Variants in TTLL5 observed in about 807,000 individuals in gnomAD.
TTLL5 encodes the protein tubulin polyglutamylase TTLL5.
TTLL5 carries 132 observed loss-of-function variants against 168.4 expected under a neutral mutation model. That is an observed-to-expected ratio of 0.78 (90% confidence interval 0.68 to 0.91). The LOEUF (loss-of-function observed/expected upper bound fraction) is 0.91. Among genes scored for constraint, TTLL5 ranks in the 40% least tolerant of loss-of-function variants. The pLI, the probability that TTLL5 is intolerant of heterozygous loss-of-function variation, is 0.00. For synonymous variants in TTLL5, 546 were observed against 558.6 expected, an observed-to-expected ratio of 0.98 and a Z score of 0.32; for missense variants, 1,545 against 1,581.5, an observed-to-expected ratio of 0.98 and a Z score of 0.39.
intron 27 of TTLL5, among the ~76,000 whole-genome samples, chr14:75,812,048 C>G (rs1490982658): frequency 6.6e-6 from 1 of 152,146 alleles, no homozygotes; most frequent in African/African-American, 2.4e-5. Flanking sequence ...TGTCCCTACC[C>G]CACACATTCA....
rs11349214 is a variant in TTLL5, at chr14:75,677,390, C to CTTT, written c.182-4134_182-4132dup. ...AGAGATTCTCTTTCTCTCTCTCTCT[C>CTTT]TTTTTTTTTTTTTTTTTTTTTTTGA... On this transcript the variant is annotated intron_variant, in intron 3 of 31. Coordinates refer to ENST00000298832, the MANE Select transcript of TTLL5 (RefSeq NM_015072.5). Among the ~76,000 whole-genome samples the CTTT allele has an allele frequency of 2.3e-3, 178 of 78,338 alleles. 3 individuals are homozygous for CTTT. The highest frequency in any genetic ancestry group is 5.3e-3 in the African/African-American group (118 of 22,276). The allele number at this position is 78,338 out of a possible 152,430, so 51.4% of individuals were successfully genotyped here. A position where few individuals can be genotyped will look rare whatever the true frequency, so the allele number is the denominator to read the frequency against.
At chr14:75,888,519 C>T (rs940969823) in intron 30 of TTLL5, among the ~76,000 whole-genome samples, 1 of 152,196 alleles carries the variant, frequency 6.6e-6, no homozygotes, top group Non-Finnish European at 1.5e-5. Context: ...AATCCATCCA[C>T]ATCAGTTTCT....
chr14:75,730,061 TCTTA>T (rs1385639731), intron 12 of TTLL5, among the ~76,000 whole-genome samples: 1 of 152,244 alleles, frequency 6.6e-6, no homozygotes, highest in African/African-American at 2.4e-5. Context: ...ACCCTGTTCT[TCTTA>T]CTTTTAATAA....
Position 75,764,646 on chromosome 14 carries a change from A to G in TTLL5, c.1582A>G (p.Ile528Val), listed in dbSNP as rs1306883922. The G allele has an allele frequency of 2.5e-6, 4 of 1,614,032 alleles. No individual in the cohort carries two copies. The African/African-American group carries it at 5.3e-5, about 22-fold the overall frequency. Residue 528 changes from isoleucine (I) to valine (V), a missense_variant, in exon 19 of 32, where the codon ATA becomes GTA. Coordinates refer to ENST00000298832, the MANE Select transcript of TTLL5 (RefSeq NM_015072.5). The part of the protein sequence containing the change: ...MTADGAPELK[I>V]ESLNSKAKLH... ...TGCTGATGGAGCGCCAGAATTGAAG[A>G]TAGAGAGTCTGAATTCAAAGGCCAA...
chr14:75,868,636 T>C (rs2030736357), intron 29 of TTLL5, among the ~76,000 whole-genome samples: 2 of 152,218 alleles, frequency 1.3e-5, no homozygotes, highest in South Asian at 4.1e-4. Context: ...ACAAGCTTTT[T>C]GCTAATGCTG....
intron 20 of TTLL5, among the ~76,000 whole-genome samples, chr14:75,768,719 C>T (rs982639691): frequency 1.3e-5 from 2 of 152,044 alleles, no homozygotes; most frequent in Admixed American, 6.6e-5. Flanking sequence ...GAAGTTTAGC[C>T]GTTTATGCAT....
At chr14:75,699,961 T>G (rs866987923) in intron 7 of TTLL5, among the ~76,000 whole-genome samples, 1 of 152,220 alleles carries the variant, frequency 6.6e-6, no homozygotes, top group Non-Finnish European at 1.5e-5. Context: ...AATTCCCAGT[T>G]TGGCATTTAT....
At position 75,697,938 on chromosome 14, in the gene TTLL5, A is replaced by G. The variant is rs368811551; in HGVS notation, c.503-1250A>G. Among the ~76,000 whole-genome samples the G allele has an allele frequency of 4.6e-4, 70 of 152,248 alleles. 1 individual carries two copies. The South Asian group carries it at 0.014, about 30-fold the overall frequency. ...GTGAGATCTGCTCAGAAACATTTGC[A>G]TTTGCTTGATTTATTTCCCCACACT... On this transcript the variant is annotated intron_variant, in intron 6 of 31. Coordinates refer to ENST00000298832, the MANE Select transcript of TTLL5 (RefSeq NM_015072.5).
chr14:75,678,686 T>A (rs1282870087), intron 3 of TTLL5, among the ~76,000 whole-genome samples: 1 of 103,364 alleles, frequency 9.7e-6, no homozygotes, highest in Non-Finnish European at 2.6e-5. Context: ...ATGTTTAGAT[T>A]CAGATTTTTA....
chr14:75,719,343 C>T (rs191144472), intron 10 of TTLL5, among the ~76,000 whole-genome samples: 1 of 152,318 alleles, frequency 6.6e-6, no homozygotes. Context: ...CTGAAAATGG[C>T]ATCAGAGGTT....
At chr14:75,775,654 G>A (rs370536848) in intron 22 of TTLL5, 24 bp downstream of exon 22, 1 of 1,613,072 alleles carries the variant, frequency 6.2e-7, no homozygotes, top group Non-Finnish European at 8.5e-7. Context: ...TGTTAGTCTT[G>A]TGCTTTGGAT....
At chr14:75,790,218 A>AAATAAAAT (rs1217423696) in intron 26 of TTLL5, among the ~76,000 whole-genome samples, 2 of 152,244 alleles carry the variant, frequency 1.3e-5, no homozygotes, top group African/African-American at 4.8e-5. Flanking sequence ...TTCCATACTG[A>AAATAAAAT]AATAAAATAA....
At position 75,954,476 on chromosome 14, in the gene TTLL5, C is replaced by G. The variant is rs776011092; in HGVS notation, c.*30C>G. 1 of 1,612,916 alleles carries G rather than the reference C, an allele frequency of 6.2e-7. No individual in the cohort carries two copies. The highest frequency in any genetic ancestry group is 1.1e-5 in the South Asian group (1 of 91,044). ...CAAACACACAGAGAAACAACCTGTTCACCACTCCTGGGTGCATGATTGAGG... is the reference window on the plus strand; with the variant it reads ...CAAACACACAGAGAAACAACCTGTTGACCACTCCTGGGTGCATGATTGAGG... On this transcript the variant is annotated 3_prime_UTR_variant, in exon 32 of 32. Transcript: ENST00000298832.
chr14:75,940,606 A>G (rs2034570877), intron 31 of TTLL5, among the ~76,000 whole-genome samples: 1 of 152,206 alleles, frequency 6.6e-6, no homozygotes, highest in Admixed American at 6.5e-5. Context: ...TTTTCATAAC[A>G]GGGTGGTTAT....
intron 31 of TTLL5, among the ~76,000 whole-genome samples, chr14:75,919,859 A>G (rs970541827): frequency 6.6e-6 from 1 of 152,018 alleles, no homozygotes; most frequent in Non-Finnish European, 1.5e-5. Flanking sequence ...AGTGGCTCAC[A>G]CCTGTAGTCC....
At chr14:75,933,303 A>T (rs951673820) in intron 31 of TTLL5, among the ~76,000 whole-genome samples, 4 of 152,098 alleles carry the variant, frequency 2.6e-5, no homozygotes, top group African/African-American at 9.7e-5. Context: ...AAAAAAAATT[A>T]AAAAATTAGC....
intron 28 of TTLL5, among the ~76,000 whole-genome samples, chr14:75,848,463 T>A (rs904992511): frequency 6.6e-6 from 1 of 151,360 alleles, no homozygotes; most frequent in African/African-American, 2.5e-5. Flanking sequence ...GCTGTGCTTA[T>A]GTGTGCTGAT....
intron 2 of TTLL5, 76 bp downstream of exon 2, chr14:75,663,299 A>G: frequency 1.5e-6 from 2 of 1,350,024 alleles, no homozygotes; most frequent in Non-Finnish European, 2.1e-6. Flanking sequence ...CTGTTTTACT[A>G]TATACTCTTC....
chr14:75,887,434 G>T (rs774931487), intron 30 of TTLL5: 55 of 648,234 alleles, frequency 8.5e-5, no homozygotes, highest in Admixed American at 6.3e-5. Flanking sequence ...ACCATGTTCT[G>T]CCAGCTTTTT....
Sources: gnomAD v4.1 joint callset for allele counts (sites outside exome capture counted in the v4.1 genomes callset) on GRCh38, gnomAD v4.1.1 for gene constraint, MANE v1.5 for transcripts, NCBI Gene and HGNC (gene_info 2026-07-23, HGNC 2026-07-21) for gene names.